Variants in GAS7 observed in about 807,000 individuals in gnomAD.
The protein encoded by GAS7 is growth arrest-specific protein 7.
A neutral mutation model predicts 71.1 loss-of-function variants in GAS7; 28 were observed. The observed-to-expected ratio is 0.39, with a 90% CI of 0.29 to 0.54. The LOEUF is 0.54. GAS7 is among the 20% of genes least tolerant of loss of function. GAS7 has a pLI of 0.62. For missense variants in GAS7, 436 were observed against 627.8 expected (o/e 0.69, Z 3.27); for synonymous variants, 258 against 245.8 (o/e 1.05, Z -0.46).
intron 2 of GAS7, among the ~76,000 whole-genome samples, chr17:10,000,929 T>C (rs943973542): frequency 1.3e-5 from 2 of 152,140 alleles, no homozygotes; most frequent in Non-Finnish European, 2.9e-5. Flanking sequence ...CATCATCTCC[T>C]TGCCTTCCAG....
At position 10,040,700 on chromosome 17, in the gene GAS7, G is replaced by A. The variant is rs1172129511; in HGVS notation, c.184-20803C>T. Among the ~76,000 whole-genome samples, 7 of 152,222 alleles carry A rather than the reference G, an allele frequency of 4.6e-5. No homozygotes were observed. The East Asian group carries it at 1.2e-3, about 25-fold the overall frequency. On this transcript the variant is annotated intron_variant, in intron 1 of 13. Transcript: ENST00000432992. ...GGAGGCAAGAGCATCACATCCAGCG[G>A]TGGGGAGTCCCCCACCGGCAGCTGA...
intron 1 of GAS7, among the ~76,000 whole-genome samples, chr17:10,068,823 A>T (rs1048713022): frequency 1.3e-5 from 2 of 151,972 alleles, no homozygotes; most frequent in Admixed American, 1.3e-4. Context: ...CAGTGAAGGG[A>T]CACAGAACCT....
chr17:10,010,077 C>T (rs569386289), intron 2 of GAS7, among the ~76,000 whole-genome samples: 2 of 152,196 alleles, frequency 1.3e-5, no homozygotes, highest in African/African-American at 4.8e-5. Flanking sequence ...GACCAGATAG[C>T]TTGGATCAAG....
chr17:10,106,774 G>A (rs1295367392), intron 1 of GAS7, among the ~76,000 whole-genome samples: 3 of 24,844 alleles, frequency 1.2e-4, no homozygotes, highest in South Asian at 2.4e-3. Context: ...TGGTAGGCTT[G>A]AAAGTGCCCC....
intron 1 of GAS7, among the ~76,000 whole-genome samples, chr17:10,131,603 C>G (rs547134328): frequency 1.6e-4 from 25 of 152,310 alleles, no homozygotes; most frequent in African/African-American, 5.8e-4. Context: ...GCCTGGACAA[C>G]AGAGCGAGAC....
intron 8 of GAS7, among the ~76,000 whole-genome samples, chr17:9,936,530 A>C (rs2068408162): frequency 6.6e-6 from 1 of 152,144 alleles, no homozygotes; most frequent in South Asian, 2.1e-4. Context: ...AGACACTGCT[A>C]AGTGGGAAGA....
chr17:9,929,087 G>A (rs567515810), intron 9 of GAS7, among the ~76,000 whole-genome samples: 3 of 152,260 alleles, frequency 2.0e-5, no homozygotes, highest in Admixed American at 1.3e-4. Flanking sequence ...GAGAGCTTAC[G>A]AGAATAAATA....
intron 1 of GAS7, among the ~76,000 whole-genome samples, chr17:10,128,410 C>A (rs182978257): frequency 6.6e-6 from 1 of 152,138 alleles, no homozygotes; most frequent in Non-Finnish European, 1.5e-5. Flanking sequence ...GACCCACAAA[C>A]CCACAGCCCG....
chr17:10,044,859 C>T (rs533625836), intron 1 of GAS7, among the ~76,000 whole-genome samples: 1 of 151,888 alleles, frequency 6.6e-6, no homozygotes, highest in Non-Finnish European at 1.5e-5. Context: ...TGGAGACCAT[C>T]CTGGCTAACA....
At chr17:10,120,658 G>C (rs1791881108) in intron 1 of GAS7, among the ~76,000 whole-genome samples, 1 of 152,188 alleles carries the variant, frequency 6.6e-6, no homozygotes, top group South Asian at 2.1e-4. Flanking sequence ...GTTGCAGTGA[G>C]CCAAGATCGC....
At chr17:10,152,719 A>G (rs2074175816) in intron 1 of GAS7, among the ~76,000 whole-genome samples, 1 of 152,140 alleles carries the variant, frequency 6.6e-6, no homozygotes, top group African/African-American at 2.4e-5. Flanking sequence ...CAATCTGTCA[A>G]TTCAGGGTGG....
At position 10,090,930 on chromosome 17, in the gene GAS7, G is replaced by A. The variant is rs536515580; in HGVS notation, c.184-71033C>T. ...GCCGCTTGAAAAGTGGGGTTCCACT[G>A]TCAAATGTGGATGAAACCAAGCCAA... On this transcript the variant is annotated intron_variant, in intron 1 of 13. Transcript: ENST00000432992. 7.2e-5 allele frequency among the ~76,000 whole-genome samples: 11 copies of A among 152,254 alleles called. No homozygotes were observed. In the East Asian group the frequency reaches 2.1e-3, roughly 29 times the overall value.
intron 10 of GAS7, 59 bp from the exon 11 acceptor site, chr17:9,925,658 G>C: frequency 6.2e-7 from 1 of 1,600,290 alleles, no homozygotes; most frequent in Non-Finnish European, 8.6e-7. Context: ...GGGCCTCCTG[G>C]GCCACGCAGC....
At position 9,913,798 on chromosome 17, in the gene GAS7, C is replaced by T. The variant is rs989637900; in HGVS notation, c.*3430G>A. 1 of 231,700 alleles carries T rather than the reference C, an allele frequency of 4.3e-6. No homozygotes were observed. Among genetic ancestry groups the T allele is most frequent in the Non-Finnish European group, 8.5e-6 (1 of 117,112 alleles). 14.4% of individuals were successfully genotyped at this position (231,700 alleles called of 1,614,324 possible). A position where few individuals can be genotyped will look rare whatever the true frequency, so the allele number is the denominator to read the frequency against. Reference sequence around the variant, plus strand: ...AAGTGGCTCTTCCTGGAGGTTGTCACAGCAACCAACTTGGAACACCATTTG... The same window carrying T: ...AAGTGGCTCTTCCTGGAGGTTGTCATAGCAACCAACTTGGAACACCATTTG... On this transcript the variant is annotated 3_prime_UTR_variant, in exon 14 of 14. Coordinates refer to ENST00000432992, the MANE Select transcript of GAS7 (RefSeq NM_201433.2).
At position 9,964,623 on chromosome 17, in the gene GAS7, T is replaced by A. The variant is rs575158704; in HGVS notation, c.471+5054A>T. On this transcript the variant is annotated intron_variant, in intron 4 of 13. Transcript: ENST00000432992. The stretch of plus-strand genomic sequence containing the variant: ...GAAACCCTTGCTCATCATTCCAGTC[T>A]TAGAATAGGTATCTTTTCTTAAGGT... 1.5e-3 allele frequency among the ~76,000 whole-genome samples: 229 copies of A among 152,322 alleles called. 1 individual carries two copies. The highest frequency in any genetic ancestry group is 2.3e-3 in the Non-Finnish European group (155 of 68,038).
Position 10,026,115 on chromosome 17 carries a change from C to T in GAS7, c.184-6218G>A, listed in dbSNP as rs772292989. 3 of 967,322 alleles carry T rather than the reference C, an allele frequency of 3.1e-6. No homozygotes were observed. The highest frequency in any genetic ancestry group is 5.3e-4 in the Middle Eastern group (1 of 1,890). 59.9% of individuals were successfully genotyped at this position (967,322 alleles called of 1,614,324 possible). On this transcript the variant is annotated intron_variant, in intron 1 of 13. Transcript: ENST00000432992. The surrounding 1 kb of genome is among the most constrained non-coding windows in gnomAD (Gnocchi z 4.5). ...CACCTCCACCTCCGGGACTCTCTCC[C>T]CCTCCGGAGGTTTCTGAGAACACCT...
At chr17:10,120,788 C>A (rs916494593) in intron 1 of GAS7, among the ~76,000 whole-genome samples, 1 of 152,194 alleles carries the variant, frequency 6.6e-6, no homozygotes, top group African/African-American at 2.4e-5. Context: ...CTGCACCCTC[C>A]AACAGCTTCC....
chr17:10,088,395 T>C (rs2073545140), intron 1 of GAS7, among the ~76,000 whole-genome samples: 1 of 151,896 alleles, frequency 6.6e-6, no homozygotes, highest in South Asian at 2.1e-4. Context: ...CCAACAACCA[T>C]CATTTTTGGC....
chr17:10,085,832 G>A (rs997036996), intron 1 of GAS7, among the ~76,000 whole-genome samples: 4 of 152,096 alleles, frequency 2.6e-5, no homozygotes, highest in African/African-American at 9.7e-5. Flanking sequence ...ATTTACCTAT[G>A]AAGACACTGA....
Sources: gnomAD v4.1 joint callset for allele counts (sites outside exome capture counted in the v4.1 genomes callset) on GRCh38, gnomAD v4.1.1 for gene constraint, Gnocchi (gnomAD v3.1) non-coding constraint, MANE v1.5 for transcripts, NCBI Gene and HGNC (gene_info 2026-07-23, HGNC 2026-07-21) for gene names.